BLTP1: variants seen among roughly 807,000 people sequenced by gnomAD.
The protein encoded by BLTP1 is fragile site-associated protein.
At chr4:122,343,808 T>C in the BLTP1 span, 3 of 482,722 alleles carry the variant, frequency 6.2e-6, no homozygotes, top group African/African-American at 6.3e-5. Context: ...TATACAAGAA[T>C]TTTAAAATTC....
the BLTP1 span, chr4:122,316,599 A>T: frequency 1.6e-6 from 2 of 1,214,136 alleles, no homozygotes; most frequent in Non-Finnish European, 2.4e-6. Flanking sequence ...ATTTAAATCA[A>T]TGGAGAATTC....
the BLTP1 span, among the ~76,000 whole-genome samples, chr4:122,265,560 T>C: frequency 6.6e-6 from 1 of 152,042 alleles, no homozygotes; most frequent in Non-Finnish European, 1.5e-5. Flanking sequence ...ATGAGAAGTA[T>C]TGGAATTTAG....
At chr4:122,224,800 G>A in the BLTP1 span, 1 of 1,572,694 alleles carries the variant, frequency 6.4e-7, no homozygotes, top group Non-Finnish European at 8.6e-7. Context: ...GCATTCTGAT[G>A]GGAGTCATTC....
chr4:122,278,080 C>T, the BLTP1 span, among the ~76,000 whole-genome samples: 1 of 152,046 alleles, frequency 6.6e-6, no homozygotes, highest in African/African-American at 2.4e-5. Flanking sequence ...AACATTGTTT[C>T]TTCATTGTAT....
chr4:122,329,442 G>T, the BLTP1 span, among the ~76,000 whole-genome samples: 1 of 150,970 alleles, frequency 6.6e-6, no homozygotes, highest in African/African-American at 2.4e-5. Flanking sequence ...GTCCAAGTTT[G>T]CGTCTTTTCT....
At chr4:122,171,970 T>A in the BLTP1 span, 1 of 969,970 alleles carries the variant, frequency 1.0e-6, no homozygotes, top group African/African-American at 1.8e-5. Context: ...AGGACTCATA[T>A]AACAACCTAC....
At chr4:122,175,636 A>C in the BLTP1 span, among the ~76,000 whole-genome samples, 1 of 152,204 alleles carries the variant, frequency 6.6e-6, no homozygotes. Flanking sequence ...ATCTTTAGCT[A>C]TGCAAAGTCT....
the BLTP1 span, among the ~76,000 whole-genome samples, chr4:122,167,163 C>T: frequency 4.8e-4 from 73 of 152,250 alleles, 1 homozygote; most frequent in East Asian, 5.4e-3. Flanking sequence ...TGCACATATA[C>T]GGTACATAAA....
the BLTP1 span, chr4:122,325,392 A>G: frequency 1.3e-6 from 2 of 1,482,526 alleles, no homozygotes; most frequent in South Asian, 1.4e-5. Context: ...TTATGGTATT[A>G]TACTATTTCA....
At chr4:122,293,684 A>C in the BLTP1 span, among the ~76,000 whole-genome samples, 7 of 152,070 alleles carry the variant, frequency 4.6e-5, no homozygotes, top group African/African-American at 1.4e-4. Flanking sequence ...CCATCCATGC[A>C]TTCCCCTAGG....
the BLTP1 span, among the ~76,000 whole-genome samples, chr4:122,340,314 G>A: frequency 6.6e-6 from 1 of 152,034 alleles, no homozygotes; most frequent in Non-Finnish European, 1.5e-5. Flanking sequence ...TGCATTAAGC[G>A]TGAAAAAAAT....
chr4:122,166,724 T>C, the BLTP1 span, among the ~76,000 whole-genome samples: 1 of 152,194 alleles, frequency 6.6e-6, no homozygotes, highest in African/African-American at 2.4e-5. Flanking sequence ...TGTTCTTCCA[T>C]TTGTTTGTAT....
the BLTP1 span, chr4:122,215,575 G>A: frequency 1.0e-6 from 1 of 985,336 alleles, no homozygotes. Flanking sequence ...CTTGACCCTG[G>A]ACTCTGCCTA....
At chr4:122,311,253 C>T in the BLTP1 span, among the ~76,000 whole-genome samples, 6 of 152,068 alleles carry the variant, frequency 3.9e-5, no homozygotes, top group Admixed American at 1.3e-4. Flanking sequence ...AGTATATATT[C>T]TGTTAATACA....
the BLTP1 span, among the ~76,000 whole-genome samples, chr4:122,346,174 C>T: frequency 1.3e-5 from 2 of 152,108 alleles, no homozygotes; most frequent in African/African-American, 2.4e-5. Flanking sequence ...GAGCAGAACT[C>T]TGGAAGAAGG....
chr4:122,318,659 C>T, the BLTP1 span, among the ~76,000 whole-genome samples: 1 of 152,190 alleles, frequency 6.6e-6, no homozygotes, highest in African/African-American at 2.4e-5. Flanking sequence ...CTATCCCATT[C>T]TCCCAGGTCA....
At chr4:122,333,902 A>T in the BLTP1 span, 2 of 1,433,498 alleles carry the variant, frequency 1.4e-6, no homozygotes, top group Non-Finnish European at 1.9e-6. Context: ...CATTATATTA[A>T]AATGAGACTT....
chr4:122,327,099 G>GTGTTC, the BLTP1 span, among the ~76,000 whole-genome samples: 12 of 148,114 alleles, frequency 8.1e-5, no homozygotes, highest in African/African-American at 2.7e-4. Flanking sequence ...TCATAGGGGG[G>GTGTTC]TGTTTTGTTT....
the BLTP1 span, chr4:122,204,353 A>G: frequency 1.0e-6 from 1 of 955,752 alleles, no homozygotes; most frequent in South Asian, 4.8e-5. Context: ...CAGTAGTTTT[A>G]ACTAAAATAG....
Sources: gnomAD v4.1 joint callset for allele counts (sites outside exome capture counted in the v4.1 genomes callset) on GRCh38, gnomAD v4.1.1 for gene constraint, MANE v1.5 for transcripts, NCBI Gene and HGNC (gene_info 2026-07-23, HGNC 2026-07-21) for gene names.